The following ADGRB3 variants were observed in gnomAD, a reference collection of about 807,000 sequenced individuals.
ADGRB3 encodes brain-specific angiogenesis inhibitor 3.
In ADGRB3, 37 loss-of-function variants were observed where a neutral mutation model predicts 193.4. The ratio of observed to expected loss-of-function variants is 0.19; its 90% CI spans 0.15 to 0.25. ADGRB3 has a LOEUF of 0.25. ADGRB3 is among the 10% of genes least tolerant of loss of function. ADGRB3 has a pLI of 1.00. For synonymous variants in ADGRB3, 690 were observed against 644.2 expected (o/e 1.07, Z -1.08); for missense variants, 1,637 against 1,852.9 (o/e 0.88, Z 2.14).
chr6:68,975,968 C>A (rs867863105), intron 10 of ADGRB3, among the ~76,000 whole-genome samples: 35 of 152,284 alleles, frequency 2.3e-4, no homozygotes, highest in African/African-American at 7.9e-4. Flanking sequence ...AAGTACAAGT[C>A]ATTGTCATTA....
intron 13 of ADGRB3, among the ~76,000 whole-genome samples, chr6:69,037,645 T>TTCTC (rs377348716): frequency 2.7e-5 from 4 of 149,518 alleles, no homozygotes; most frequent in Non-Finnish European, 4.5e-5. Flanking sequence ...GGTGTTGTTG[T>TTCTC]TCTCTCTCTC....
chr6:68,934,851 C>A (rs1767440516), intron 4 of ADGRB3, among the ~76,000 whole-genome samples: 1 of 151,982 alleles, frequency 6.6e-6, no homozygotes, highest in Non-Finnish European at 1.5e-5. Context: ...AAATAGTCAT[C>A]CAAGGACATT....
At chr6:68,887,530 A>G (rs764287475) in intron 3 of ADGRB3, among the ~76,000 whole-genome samples, 11 of 152,138 alleles carry the variant, frequency 7.2e-5, no homozygotes, top group Non-Finnish European at 1.2e-4. Flanking sequence ...ACAGCTTATT[A>G]AAATAGTGGA....
intron 13 of ADGRB3, among the ~76,000 whole-genome samples, chr6:69,040,713 A>AAAAAAAAAAAAT (rs1771040223): frequency 1.0e-5 from 1 of 97,478 alleles, no homozygotes; most frequent in African/African-American, 3.9e-5. Flanking sequence ...AAAAAAACAA[A>AAAAAAAAAAAAT]CAAGAATTTG....
rs564118349 is a variant in ADGRB3 at position 69,334,643 on chromosome 6, T to C, written c.3188+1635T>C. Among the ~76,000 whole-genome samples, 9 of 152,330 alleles carry C rather than the reference T, an allele frequency of 5.9e-5. No homozygotes were observed. The East Asian group carries it at 1.7e-3, about 29-fold the overall frequency. On this transcript the variant is annotated intron_variant, in intron 24 of 31. Coordinates refer to ENST00000370598, the MANE Select transcript of ADGRB3 (RefSeq NM_001704.3). ...ACGCCACATGTGGTGGAAATTGAAG[T>C]AAGCTTCTTCAGTTATTTCTGTCCA...
intron 3 of ADGRB3, among the ~76,000 whole-genome samples, chr6:68,847,353 G>A (rs1480672613): frequency 6.6e-6 from 1 of 152,124 alleles, no homozygotes; most frequent in Non-Finnish European, 1.5e-5. Flanking sequence ...TAAAATGTGA[G>A]GACATGAGAT....
At chr6:68,687,857 G>A (rs372742305) in intron 3 of ADGRB3, among the ~76,000 whole-genome samples, 1 of 152,148 alleles carries the variant, frequency 6.6e-6, no homozygotes, top group Non-Finnish European at 1.5e-5. Flanking sequence ...AAAAATACCT[G>A]CAAGTTCCCA....
At chr6:69,035,406 T>A (rs1232411516) in intron 13 of ADGRB3, among the ~76,000 whole-genome samples, 2 of 152,084 alleles carry the variant, frequency 1.3e-5, no homozygotes, top group African/African-American at 4.8e-5. Flanking sequence ...GAAGTAAGTA[T>A]CTACAGATCC....
intron 3 of ADGRB3, among the ~76,000 whole-genome samples, chr6:68,683,421 T>C (rs1420454770): frequency 6.6e-6 from 1 of 152,078 alleles, no homozygotes; most frequent in East Asian, 1.9e-4. Flanking sequence ...ATTTGGAAAA[T>C]TTGTTTGCAT....
intron 17 of ADGRB3, among the ~76,000 whole-genome samples, chr6:69,140,316 A>G (rs911342558): frequency 6.6e-6 from 1 of 152,238 alleles, no homozygotes; most frequent in Admixed American, 6.5e-5. Flanking sequence ...AAAAATTGCA[A>G]TCTTATATGA....
intron 20 of ADGRB3, among the ~76,000 whole-genome samples, chr6:69,309,149 G>A (rs1768127445): frequency 1.3e-5 from 2 of 151,604 alleles, no homozygotes; most frequent in African/African-American, 4.8e-5. Context: ...TTATAACAGA[G>A]TTATTTTCTT....
At position 68,847,716 on chromosome 6, in the gene ADGRB3, C is replaced by T. The variant is rs560755071; in HGVS notation, c.758-82843C>T. On this transcript the variant is annotated intron_variant, in intron 3 of 31. Coordinates refer to ENST00000370598, the MANE Select transcript of ADGRB3 (RefSeq NM_001704.3). ...CCAGTCTCGGGTATGTCTTTATCAG[C>T]GGCATAAAAACGGACTAATACACTG... Among the ~76,000 whole-genome samples, 76 of 152,086 alleles carry T rather than the reference C, an allele frequency of 5.0e-4. 1 individual carries two copies. The highest frequency in any genetic ancestry group is 1.5e-3 in the African/African-American group (63 of 41,452).
chr6:68,792,264 T>C (rs1460349896), intron 3 of ADGRB3, among the ~76,000 whole-genome samples: 1 of 152,320 alleles, frequency 6.6e-6, no homozygotes, highest in East Asian at 1.9e-4. Flanking sequence ...CACTTGTGTC[T>C]TCCTCACTGA....
chr6:69,113,661 TGGCATAAAA>T (rs987197633), intron 17 of ADGRB3, among the ~76,000 whole-genome samples: 1 of 152,182 alleles, frequency 6.6e-6, no homozygotes, highest in African/African-American at 2.4e-5. Flanking sequence ...CAACATTTCC[TGGCATAAAA>T]GTGTGAGAAA....
rs149959262 is a variant in ADGRB3, at chr6:68,792,797, C to T, written c.758-137762C>T. On this transcript the variant is annotated intron_variant, in intron 3 of 31. Coordinates refer to ENST00000370598, the MANE Select transcript of ADGRB3 (RefSeq NM_001704.3). ...TTTTATCAACAGTAAACAGCCTTCC[C>T]GCCGATGTCCCCAACTCTTATACTT... Among the ~76,000 whole-genome samples the T allele has an allele frequency of 5.1e-3, 774 of 152,176 alleles. 9 individuals carry two copies. Among genetic ancestry groups the T allele is most frequent in the African/African-American group, 0.018 (743 of 41,528 alleles).
At chr6:68,914,453 C>A (rs368797225) in intron 3 of ADGRB3, among the ~76,000 whole-genome samples, 19,583 of 150,408 alleles carry the variant, frequency 0.13, 1,708 homozygotes, top group Non-Finnish European at 0.19. Context: ...AAGCTTCGTA[C>A]GTGAAGGAGA....
Position 69,010,685 on chromosome 6 carries a change from C to T in ADGRB3, c.1930-3353C>T, listed in dbSNP as rs1769904387. 3.3e-5 allele frequency among the ~76,000 whole-genome samples: 5 copies of T among 151,076 alleles called. No individual in the cohort carries two copies. In the South Asian group the frequency reaches 1.0e-3, roughly 32 times the overall value. Reference sequence around the variant, plus strand: ...TGATGGGGAAAATGTTAAACTGGGTCTGCCTCGTTCAAACTCCAAACAGTT... The same window carrying T: ...TGATGGGGAAAATGTTAAACTGGGTTTGCCTCGTTCAAACTCCAAACAGTT... On this transcript the variant is annotated intron_variant, in intron 11 of 31. Transcript: ENST00000370598.
chr6:68,656,442 A>G (rs1768491390), intron 3 of ADGRB3, among the ~76,000 whole-genome samples: 2 of 151,560 alleles, frequency 1.3e-5, no homozygotes, highest in Admixed American at 1.3e-4. Flanking sequence ...ACACTGGATT[A>G]TATGGAAAGT....
chr6:68,738,981 T>A (rs1765926519), intron 3 of ADGRB3, among the ~76,000 whole-genome samples: 1 of 152,156 alleles, frequency 6.6e-6, no homozygotes, highest in Non-Finnish European at 1.5e-5. Flanking sequence ...TAACATGAAC[T>A]GGTCAGTAAG....
Sources: allele counts gnomAD v4.1 joint callset (sites outside exome capture counted in the v4.1 genomes callset), GRCh38; gene constraint gnomAD v4.1.1; transcripts MANE v1.5; gene names NCBI Gene and HGNC (gene_info 2026-07-23, HGNC 2026-07-21).